The following DMRT1 variants were observed in gnomAD, a reference collection of about 807,000 sequenced individuals.
DMRT1 encodes doublesex- and mab-3-related transcription factor 1.
In DMRT1, 7 loss-of-function variants were observed where a neutral mutation model predicts 32.3. The ratio of observed to expected loss-of-function variants is 0.22; its 90% CI spans 0.12 to 0.41. The LOEUF is 0.41. Among genes scored for constraint, DMRT1 ranks in the 10% least tolerant of loss-of-function variants. The pLI is 1.00. For synonymous variants in DMRT1, 278 were observed against 206.1 expected (o/e 1.35, Z -2.99); for missense variants, 625 against 500.5 (o/e 1.25, Z -2.37).
intron 4 of DMRT1, among the ~76,000 whole-genome samples, chr9:936,228 T>C (rs768072749): frequency 6.6e-6 from 1 of 152,210 alleles, no homozygotes; most frequent in South Asian, 2.1e-4. Context: ...GAGAGAACTG[T>C]TGAAATGTAT....
chr9:920,006 A>G (rs1330348001), intron 4 of DMRT1, among the ~76,000 whole-genome samples: 2 of 152,168 alleles, frequency 1.3e-5, no homozygotes, highest in Non-Finnish European at 2.9e-5. Context: ...GGGGTTTCCA[A>G]TTATTGAGGT....
At chr9:850,929 T>C (rs1429554350) in intron 2 of DMRT1, among the ~76,000 whole-genome samples, 1 of 149,212 alleles carries the variant, frequency 6.7e-6, no homozygotes, top group East Asian at 2.0e-4. Flanking sequence ...CTCGAGAGGC[T>C]GAGGCAGGGG....
intron 2 of DMRT1, among the ~76,000 whole-genome samples, chr9:880,697 A>G (rs1023335010): frequency 2.7e-5 from 4 of 146,482 alleles, no homozygotes; most frequent in Non-Finnish European, 5.9e-5. Flanking sequence ...TTGCACTCCA[A>G]CCTGGGCAAC....
In DMRT1 at chr9:859,960, C is replaced by T. The variant is rs148412816; in HGVS notation, c.538+12817C>T. Among the ~76,000 whole-genome samples, 382 of 152,286 alleles carry T rather than the reference C, an allele frequency of 2.5e-3. 2 individuals carry two copies. The highest frequency in any genetic ancestry group is 7.7e-3 in the African/African-American group (320 of 41,546). ...TGATTTCAGAACTTATAAAAATTGC[C>T]GTTAACTACCCGTTAACTCTAGTCC... On this transcript the variant is annotated intron_variant, in intron 2 of 4. Transcript: ENST00000382276.
At chr9:882,737 T>C (rs1005577836) in intron 2 of DMRT1, among the ~76,000 whole-genome samples, 2 of 149,806 alleles carry the variant, frequency 1.3e-5, no homozygotes, top group African/African-American at 4.9e-5. Context: ...TTGTGCTCAG[T>C]GGCGCCCCCG....
chr9:940,366 A>T (rs1819023015), intron 4 of DMRT1, among the ~76,000 whole-genome samples: 1 of 152,150 alleles, frequency 6.6e-6, no homozygotes, highest in Admixed American at 6.5e-5. Context: ...AGACATAGAG[A>T]CCAATAGACT....
intron 3 of DMRT1, among the ~76,000 whole-genome samples, chr9:897,938 A>G (rs1311411760): frequency 6.6e-6 from 1 of 152,204 alleles, no homozygotes; most frequent in Non-Finnish European, 1.5e-5. Flanking sequence ...TAGGAAATAG[A>G]AAACATAAAG....
chr9:951,716 T>C (rs1819432762), intron 4 of DMRT1, among the ~76,000 whole-genome samples: 1 of 152,110 alleles, frequency 6.6e-6, no homozygotes, highest in Non-Finnish European at 1.5e-5. Flanking sequence ...GGGTATAAGT[T>C]GTAGTTTGAC....
rs1304451264 is a variant in DMRT1 at position 894,110 on chromosome 9, A to G, written c.737A>G (p.Asn246Ser). The change falls in exon 3 of 5, where the codon AAT becomes AGT. Residue 246 changes from asparagine (N) to serine (S), a missense_variant. Physicochemically the swap from Asn to Ser is conservative, Grantham distance 46. Transcript: ENST00000382276. The stretch of plus-strand genomic sequence containing the variant: ...GATTCTGCTTCTGGGGAGGTGGGAA[A>G]TCCCCTCGGGGGATCCCCTGTGAAG... ...AADSASGEVG[N>S]PLGGSPVKNS... 2 of 1,614,112 alleles carry G rather than the reference A, an allele frequency of 1.2e-6. No homozygotes were observed. Among genetic ancestry groups the G allele is most frequent in the African/African-American group, 1.3e-5 (1 of 74,938 alleles).
chr9:965,338 C>T lies in DMRT1; in HGVS notation c.968-2647C>T, dbSNP rs534025106. 5.2e-4 allele frequency among the ~76,000 whole-genome samples: 79 copies of T among 152,248 alleles called. 3 individuals are homozygous for T. The South Asian group carries it at 0.014, about 28-fold the overall frequency. ...GAGTGGAGAAACACTATAAACAATA[C>T]GGCTGTTTTTCAAAACAGGGTGAGT... On this transcript the variant is annotated intron_variant, in intron 4 of 4. Coordinates refer to ENST00000382276, the MANE Select transcript of DMRT1 (RefSeq NM_021951.3). The surrounding 1 kb of genome is among the most constrained non-coding windows in gnomAD (Gnocchi z 4.5).
At chr9:910,993 C>T (rs552578147) in intron 3 of DMRT1, among the ~76,000 whole-genome samples, 12 of 152,154 alleles carry the variant, frequency 7.9e-5, no homozygotes, top group Non-Finnish European at 1.2e-4. Flanking sequence ...AGTGGCTCCT[C>T]TGATTTCTTT....
chr9:925,584 A>G (rs1818495804), intron 4 of DMRT1, among the ~76,000 whole-genome samples: 2 of 152,200 alleles, frequency 1.3e-5, no homozygotes, highest in South Asian at 4.1e-4. Flanking sequence ...CCAGCCTACG[A>G]ACTCAGATCC....
At chr9:941,989 C>T (rs918952403) in intron 4 of DMRT1, among the ~76,000 whole-genome samples, 3 of 152,062 alleles carry the variant, frequency 2.0e-5, no homozygotes, top group Non-Finnish European at 4.4e-5. Context: ...GCTTTCTATC[C>T]CAGTTTGTGG....
At chr9:863,790 T>G (rs955277001) in intron 2 of DMRT1, among the ~76,000 whole-genome samples, 3 of 152,228 alleles carry the variant, frequency 2.0e-5, no homozygotes, top group Admixed American at 6.5e-5. Flanking sequence ...ATAATCTAGA[T>G]TTCCCTTGTT....
intron 4 of DMRT1, among the ~76,000 whole-genome samples, chr9:940,355 C>G (rs547470723): frequency 6.6e-6 from 1 of 152,332 alleles, no homozygotes; most frequent in African/African-American, 2.4e-5. Flanking sequence ...AAGGCACACA[C>G]AGACATAGAG....
intron 3 of DMRT1, among the ~76,000 whole-genome samples, chr9:901,913 T>TTTTTGCCC (rs1817595301): frequency 3.1e-5 from 1 of 32,044 alleles, no homozygotes; most frequent in East Asian, 1.2e-3. Context: ...AACTAGCCCT[T>TTTTTGCCC]TTTTTTTTTT....
intron 2 of DMRT1, among the ~76,000 whole-genome samples, chr9:847,752 C>G (rs1435211038): frequency 3.3e-5 from 5 of 152,336 alleles, no homozygotes; most frequent in African/African-American, 1.2e-4. Context: ...ACTCAATGTG[C>G]TTACTGCACT....
chr9:850,472 G>T (rs1839097853), intron 2 of DMRT1, among the ~76,000 whole-genome samples: 1 of 152,164 alleles, frequency 6.6e-6, no homozygotes, highest in East Asian at 1.9e-4. Context: ...TCATGGAGGT[G>T]AATGGTAAAC....
intron 3 of DMRT1, among the ~76,000 whole-genome samples, chr9:901,973 T>C (rs962650287): frequency 5.5e-4 from 80 of 146,696 alleles, no homozygotes; most frequent in Non-Finnish European, 9.3e-4. Context: ...AGTGCAGTGA[T>C]GCGATCTCAG....
Sources: gnomAD v4.1 joint callset for allele counts (sites outside exome capture counted in the v4.1 genomes callset) on GRCh38, gnomAD v4.1.1 for gene constraint, Gnocchi (gnomAD v3.1) non-coding constraint, MANE v1.5 for transcripts, NCBI Gene and HGNC (gene_info 2026-07-23, HGNC 2026-07-21) for gene names.